Variants in MYO1A observed in about 807,000 individuals in gnomAD.
MYO1A encodes the protein myosin IA.
A neutral mutation model predicts 138.5 loss-of-function variants in MYO1A; 127 were observed. That is an observed-to-expected ratio of 0.92 (90% confidence interval 0.79 to 1.06). The LOEUF is 1.06. Among genes scored for constraint, MYO1A ranks in the 50% least tolerant of loss-of-function variants. MYO1A has a pLI of 0.00. For synonymous variants in MYO1A, 477 were observed against 497.5 expected, an observed-to-expected ratio of 0.96 and a Z score of 0.55; for missense variants, 1,211 against 1,288.8, an observed-to-expected ratio of 0.94 and a Z score of 0.92.
chr12:57,029,235 C>T lies in MYO1A; in HGVS notation c.2902G>A (p.Asp968Asn), dbSNP rs149577084. 2 of 1,613,974 alleles carry T rather than the reference C, an allele frequency of 1.2e-6. No homozygotes were observed. The highest frequency in any genetic ancestry group is 1.7e-6 in the Non-Finnish European group (2 of 1,180,012). Residue 968 changes from aspartate (D) to asparagine (N), a missense_variant, in exon 27 of 28, where the codon GAC becomes AAC. Asp to Asn is a conservative substitution (Grantham distance 23, BLOSUM62 1). Coordinates refer to ENST00000300119, the MANE Select transcript of MYO1A (RefSeq NM_005379.4). The stretch of plus-strand genomic sequence containing the variant: ...ACATGCTCGCTGACCAGCAGGAAGT[C>T]CCCCTTGGAGCCCACCGATGACATC... ...SEMSSVGSKG[D>N]FLLVSEHVIE... is the part of the protein sequence containing the mutation.
Position 57,038,840 on chromosome 12 carries a change from C to A in MYO1A, c.1502G>T (p.Ser501Ile), listed in dbSNP as rs756273220. ...CGCATAGTGGCAGATGCGGAAGCAG[C>A]TGAGGCCCATGGTGTGGTCATACTG... ...QRQYDHTMGL[S>I]CFRICHYAGK... Residue 501 changes from serine to isoleucine, a missense_variant, in exon 16 of 28, where the codon AGC (serine) becomes ATC (isoleucine). Ser to Ile is a moderately radical substitution (Grantham distance 142). Transcript: ENST00000300119. The A allele has an allele frequency of 3.1e-6, 5 of 1,614,202 alleles. No homozygotes were observed. The Admixed American group carries it at 8.3e-5, about 27-fold the overall frequency.
At chr12:57,041,551 C>T in intron 12 of MYO1A, 54 bp from the exon 13 acceptor site, 3 of 1,491,636 alleles carry the variant, frequency 2.0e-6, no homozygotes, top group Non-Finnish European at 2.8e-6. Context: ...CACACCAGGC[C>T]AGGTCCTTCT....
At chr12:57,037,739 T>C (rs763071701) in intron 18 of MYO1A, 98 bp from the exon 19 acceptor site, 3 of 1,484,090 alleles carry the variant, frequency 2.0e-6, no homozygotes, top group Non-Finnish European at 1.9e-6. Flanking sequence ...GAAGTGATCA[T>C]TCAATTCATT....
rs528049947 is a variant in MYO1A, at chr12:57,043,146, G to A, written c.1024C>T (p.Arg342Trp). 193 of 1,614,124 alleles carry A rather than the reference G, an allele frequency of 1.2e-4. 2 individuals carry two copies. In the South Asian group the frequency reaches 1.6e-3, roughly 14 times the overall value. The part of the protein sequence containing the change: ...ALNVMQAQYA[R>W]DALAKNIYSR... ...TAGATGTTCTTAGCCAGGGCGTCCCGAGCATACTGAGCCTGTGGGTGAGGC... is the reference window on the plus strand; with the variant it reads ...TAGATGTTCTTAGCCAGGGCGTCCCAAGCATACTGAGCCTGTGGGTGAGGC... Residue 342 changes from arginine (R) to tryptophan (W), a missense_variant, in exon 12 of 28, where the codon CGG becomes TGG. Physicochemically the swap from Arg to Trp is moderately radical, Grantham distance 101 (BLOSUM62 -3). Transcript: ENST00000300119.
intron 21 of MYO1A, 113 bp from the exon 22 acceptor site, chr12:57,036,494 A>G: frequency 8.7e-7 from 1 of 1,148,218 alleles, no homozygotes; most frequent in South Asian, 1.2e-5. Flanking sequence ...CTGAGACTGT[A>G]GCTGGAAGTT....
rs747253822 is a variant in MYO1A, at chr12:57,028,839, G to A, written c.3048C>T (p.Val1016=). Residue 1016 remains valine (V), a synonymous_variant, in exon 28 of 28, where the codon GTC becomes GTT. Coordinates refer to ENST00000300119, the MANE Select transcript of MYO1A (RefSeq NM_005379.4). ...RFKENSVAVK[V]VQGPAGGDNS... is the part of the protein sequence containing the mutation. ...TGTCACCACCTGCAGGGCCCTGGAC[G>A]ACCTTGACAGCCACACTGTTCTCCT... 24 of 1,613,962 alleles carry A rather than the reference G, an allele frequency of 1.5e-5. No individual in the cohort carries two copies. The highest frequency in any genetic ancestry group is 4.5e-5 in the East Asian group (2 of 44,872).
In MYO1A at chr12:57,028,705, A is replaced by T; in HGVS notation, c.*50T>A. ...CCACACAGGAGGGCAGAGGGGGATT[A>T]GTGCTGGTTCAGGAGGAAGCAACTG... On this transcript the variant is annotated 3_prime_UTR_variant, in exon 28 of 28. Coordinates refer to ENST00000300119, the MANE Select transcript of MYO1A (RefSeq NM_005379.4). The T allele has an allele frequency of 6.2e-7, 1 of 1,609,960 alleles. No individual in the cohort carries two copies.
chr12:57,043,143 C>A lies in MYO1A; in HGVS notation c.1027G>T (p.Asp343Tyr), dbSNP rs755096815. The part of the protein sequence containing the change: ...LNVMQAQYAR[D>Y]ALAKNIYSRL... Reference sequence around the variant, plus strand: ...CTGTAGATGTTCTTAGCCAGGGCGTCCCGAGCATACTGAGCCTGTGGGTGA... The same window carrying A: ...CTGTAGATGTTCTTAGCCAGGGCGTACCGAGCATACTGAGCCTGTGGGTGA... Residue 343 changes from aspartate to tyrosine, a missense_variant, in exon 12 of 28, where the codon GAC becomes TAC. Transcript: ENST00000300119. The A allele has an allele frequency of 6.2e-7, 1 of 1,614,164 alleles. No homozygotes were observed. The highest frequency in any genetic ancestry group is 1.1e-5 in the South Asian group (1 of 91,082).
chr12:57,048,230 A>C lies in MYO1A; in HGVS notation c.94T>G (p.Tyr32Asp), dbSNP rs371755179. The part of the protein sequence containing the change: ...ESLLKNLQLR[Y>D]ENKEIYTYIG... ...CTCACATAAATCTCCTTGTTTTCATAGCGAAGCTGAAGATTCTTGAGCAGT... is the reference window on the plus strand; with the variant it reads ...CTCACATAAATCTCCTTGTTTTCATCGCGAAGCTGAAGATTCTTGAGCAGT... Residue 32 changes from tyrosine to aspartate, a missense_variant, in exon 2 of 28, where the codon TAT becomes GAT. By Grantham distance (160) the Tyr-to-Asp change is radical. Transcript: ENST00000300119. The C allele has an allele frequency of 6.2e-7, 1 of 1,613,950 alleles. No individual in the cohort carries two copies. The highest frequency in any genetic ancestry group is 1.7e-5 in the Admixed American group (1 of 60,004).
intron 18 of MYO1A, 40 bp downstream of exon 18, chr12:57,037,829 C>T (rs1449416871): frequency 5.6e-6 from 9 of 1,605,506 alleles, no homozygotes; most frequent in Non-Finnish European, 7.7e-6. Context: ...GTTTCCTGCA[C>T]TGCCCTTTCC....
intron 2 of MYO1A, 31 bp from the exon 3 acceptor site, chr12:57,048,135 G>A (rs115952559): frequency 6.2e-7 from 1 of 1,605,786 alleles, no homozygotes; most frequent in African/African-American, 1.3e-5. Flanking sequence ...AAGGGAATGA[G>A]CTTGAGGGTG....
chr12:57,041,646 C>T, intron 12 of MYO1A, 149 bp from the exon 13 acceptor site: 1 of 711,670 alleles, frequency 1.4e-6, no homozygotes, highest in South Asian at 1.5e-5. Context: ...ATTTTACTCT[C>T]CCTCCTCCAC....
At chr12:57,041,523 G>A in intron 12 of MYO1A, 26 bp from the exon 13 acceptor site, 1 of 1,597,514 alleles carries the variant, frequency 6.3e-7, no homozygotes, top group Non-Finnish European at 8.6e-7. Flanking sequence ...AGATAAATCT[G>A]AGGACAGGCC....
chr12:57,048,267 C>T lies in MYO1A; in HGVS notation c.57G>A (p.Leu19=). Residue 19 remains leucine (L), a synonymous_variant, in exon 2 of 28, where the codon TTG becomes TTA. Transcript: ENST00000300119. ...GVEDLVLLEP[L]VEESLLKNLQ... is the part of the protein sequence containing the mutation. ...GATTCTTGAGCAGTGACTCCTCCAC[C>T]AAGGGTTCCAGGAGGACAAGATCCT... 1 of 1,614,198 alleles carries T rather than the reference C, an allele frequency of 6.2e-7. No homozygotes were observed. Among genetic ancestry groups the T allele is most frequent in the Non-Finnish European group, 8.5e-7 (1 of 1,180,030 alleles).
Position 57,038,426 on chromosome 12 carries a change from G to A in MYO1A, c.1746C>T (p.Ser582=). 2 of 1,614,190 alleles carry A rather than the reference G, an allele frequency of 1.2e-6. No individual in the cohort carries two copies. The highest frequency in any genetic ancestry group is 1.7e-6 in the Non-Finnish European group (2 of 1,180,034). The part of the protein sequence containing the change: ...AILMKNLYSK[S]PNYIRCIKPN... ...CAGCATGTCACCTGATGTAGTTGGGGCTCTTGGAATACAGATTCTTCATGA... is the reference window on the plus strand; with the variant it reads ...CAGCATGTCACCTGATGTAGTTGGGACTCTTGGAATACAGATTCTTCATGA... Residue 582 remains serine (S), a synonymous_variant, in exon 17 of 28, where the codon AGC becomes AGT. Transcript: ENST00000300119.
intron 14 of MYO1A, 112 bp from the exon 15 acceptor site, chr12:57,039,386 G>T: frequency 1.2e-6 from 1 of 811,354 alleles, no homozygotes; most frequent in Non-Finnish European, 2.2e-6. Context: ...AAGCCCCATA[G>T]TTCACAGGGG....
rs2031103439 is a variant in MYO1A, at chr12:57,046,626, A to G, written c.566T>C (p.Val189Ala). 6.2e-7 allele frequency: 1 copy of G among 1,614,012 alleles called. No individual in the cohort carries two copies. The highest frequency in any genetic ancestry group is 8.5e-7 in the Non-Finnish European group (1 of 1,179,972). ...GTTCCTTTCTCCTTTGAGCTGCTTCACTAATCGGGATTTCTCAAGCAGATC... is the reference window on the plus strand; with the variant it reads ...GTTCCTTTCTCCTTTGAGCTGCTTCGCTAATCGGGATTTCTCAAGCAGATC... ...TNYLLEKSRL[V>A]KQLKGERNFH... is the part of the protein sequence containing the mutation. Residue 189 changes from valine to alanine, a missense_variant, in exon 8 of 28, where the codon GTG becomes GCG. Coordinates refer to ENST00000300119, the MANE Select transcript of MYO1A (RefSeq NM_005379.4).
intron 7 of MYO1A, 99 bp from the exon 8 acceptor site, chr12:57,046,749 G>A (rs2031112183): frequency 4.0e-6 from 6 of 1,497,164 alleles, no homozygotes; most frequent in African/African-American, 1.4e-5. Context: ...CATTCCTAGT[G>A]GTTGGGAAGT....
At position 57,038,801 on chromosome 12, in the gene MYO1A, C is replaced by T. The variant is rs1301993615; in HGVS notation, c.1533+8G>A. On this transcript the variant is annotated splice_region_variant and intron_variant, in intron 16 of 27. Transcript: ENST00000300119. ...CCTAATCTCTGCCCTCCAGCCCTGC[C>T]ATTTCACCTTGCCCGCATAGTGGCA... 1.2e-6 allele frequency: 2 copies of T among 1,614,162 alleles called. No homozygotes were observed. The highest frequency in any genetic ancestry group is 1.1e-5 in the South Asian group (1 of 91,058).
Sources: gnomAD v4.1 joint callset for allele counts on GRCh38, gnomAD v4.1.1 for gene constraint, MANE v1.5 for transcripts, NCBI Gene and HGNC (gene_info 2026-07-23, HGNC 2026-07-21) for gene names.